B3GALT1: variants seen among roughly 807,000 people sequenced by gnomAD.
B3GALT1 encodes the protein UDP-Gal:betaGlcNAc beta 1,3-galactosyltransferase, polypeptide 1.
Under a neutral mutation model 23.2 loss-of-function variants are expected in B3GALT1, and 10 were observed. The observed-to-expected ratio is 0.43, with a 90% CI of 0.27 to 0.73. The LOEUF is 0.73. Ranked by LOEUF, B3GALT1 falls within the 30% of genes least tolerant of loss-of-function variation. The pLI, the probability that B3GALT1 is intolerant of heterozygous loss-of-function variation, is 0.21. For missense variants in B3GALT1, 299 were observed against 405.4 expected, an observed-to-expected ratio of 0.74 and a Z score of 2.25; for synonymous variants, 156 against 141.5, an observed-to-expected ratio of 1.10 and a Z score of -0.73.
intron 3 of B3GALT1, among the ~76,000 whole-genome samples, chr2:167,809,591 G>A (rs974374526): frequency 6.6e-6 from 1 of 152,232 alleles, no homozygotes; most frequent in Non-Finnish European, 1.5e-5. Context: ...AGAGGCTGCA[G>A]AACAGTGGAT....
intron 1 of B3GALT1, among the ~76,000 whole-genome samples, chr2:167,393,177 T>A (rs977347241): frequency 6.7e-6 from 1 of 148,438 alleles, no homozygotes; most frequent in Non-Finnish European, 1.5e-5. Context: ...GAGCTTGCAG[T>A]GAGCCGAGAT....
intron 3 of B3GALT1, among the ~76,000 whole-genome samples, chr2:167,668,607 G>T (rs551747675): frequency 3.3e-5 from 5 of 152,136 alleles, no homozygotes; most frequent in South Asian, 2.1e-4. Context: ...GCGAGACTCC[G>T]TGGGCTTAGG....
In B3GALT1 at chr2:167,387,905, G is replaced by A. The variant is rs553314416; in HGVS notation, c.-511+94571G>A. Among the ~76,000 whole-genome samples, 12 of 152,256 alleles carry A rather than the reference G, an allele frequency of 7.9e-5. No homozygotes were observed. The East Asian group carries it at 2.3e-3, about 29-fold the overall frequency. On this transcript the variant is annotated intron_variant, in intron 1 of 4. Coordinates refer to ENST00000392690, the MANE Select transcript of B3GALT1 (RefSeq NM_020981.4). ...ATTTTATTTTCTTTATTTCATAATAGCATTGAACGATATTTGAAAGGAACG... is the reference window on the plus strand; with the variant it reads ...ATTTTATTTTCTTTATTTCATAATAACATTGAACGATATTTGAAAGGAACG...
intron 2 of B3GALT1, among the ~76,000 whole-genome samples, chr2:167,554,361 G>T (rs893794198): frequency 6.6e-6 from 1 of 152,184 alleles, no homozygotes. Context: ...AAGGAAGAGT[G>T]ATTGATAAGG....
At chr2:167,781,408 AGG>A (rs2105319912) in intron 3 of B3GALT1, among the ~76,000 whole-genome samples, 1 of 152,318 alleles carries the variant, frequency 6.6e-6, no homozygotes, top group African/African-American at 2.4e-5. Context: ...TCTCAAAGCC[AGG>A]GGTTCATCTC....
At chr2:167,515,872 C>T (rs1376042829) in intron 2 of B3GALT1, among the ~76,000 whole-genome samples, 1 of 151,984 alleles carries the variant, frequency 6.6e-6, no homozygotes, top group African/African-American at 2.4e-5. Flanking sequence ...TTAAAGAATA[C>T]TCCAGCCAAA....
At chr2:167,776,485 G>A (rs892507023) in intron 3 of B3GALT1, among the ~76,000 whole-genome samples, 3 of 152,200 alleles carry the variant, frequency 2.0e-5, no homozygotes, top group African/African-American at 2.4e-5. Flanking sequence ...GAGCAGTAAA[G>A]CAGAGAACAC....
intron 4 of B3GALT1, among the ~76,000 whole-genome samples, chr2:167,841,754 C>G (rs548601681): frequency 5.3e-5 from 8 of 152,272 alleles, no homozygotes; most frequent in African/African-American, 1.9e-4. Context: ...AACCAAGATA[C>G]TAGAAATCAG....
intron 1 of B3GALT1, among the ~76,000 whole-genome samples, chr2:167,421,254 T>G (rs1698543061): frequency 6.6e-6 from 1 of 152,206 alleles, no homozygotes; most frequent in African/African-American, 2.4e-5. Context: ...CTAGTCACAT[T>G]GCAATTGCTC....
intron 3 of B3GALT1, among the ~76,000 whole-genome samples, chr2:167,659,286 G>T (rs892265956): frequency 6.6e-6 from 1 of 150,430 alleles, no homozygotes; most frequent in Non-Finnish European, 1.5e-5. Context: ...TTTTTAAATT[G>T]TTACCCTTTG....
chr2:167,367,218 C>T (rs1645508967), intron 1 of B3GALT1, among the ~76,000 whole-genome samples: 1 of 152,172 alleles, frequency 6.6e-6, no homozygotes, highest in Non-Finnish European at 1.5e-5. Flanking sequence ...AATATTACTT[C>T]CTCCAATAAG....
intron 3 of B3GALT1, among the ~76,000 whole-genome samples, chr2:167,769,082 A>G (rs1305550765): frequency 1.3e-5 from 2 of 152,174 alleles, no homozygotes; most frequent in Non-Finnish European, 2.9e-5. Context: ...AGAAGAAGGA[A>G]AAAAATGTAT....
chr2:167,675,883 C>G (rs1686416134), intron 3 of B3GALT1, among the ~76,000 whole-genome samples: 2 of 151,118 alleles, frequency 1.3e-5, no homozygotes, highest in African/African-American at 2.4e-5. Flanking sequence ...TACAGGGTAT[C>G]TAGTATCCCT....
rs563529249 is a variant in B3GALT1 at position 167,448,787 on chromosome 2, A to G, written c.-510-41390A>G. On this transcript the variant is annotated intron_variant, in intron 1 of 4. Coordinates refer to ENST00000392690, the MANE Select transcript of B3GALT1 (RefSeq NM_020981.4). ...TGAGTTGATTTTCATGTAAGATGAG[A>G]TTAGGATTCAGTTTCATTCTCCTAC... is the stretch of plus-strand genomic sequence containing the variant. 5.9e-5 allele frequency among the ~76,000 whole-genome samples: 9 copies of G among 152,294 alleles called. No individual in the cohort carries two copies. In the South Asian group the frequency reaches 1.9e-3, roughly 32 times the overall value.
intron 4 of B3GALT1, among the ~76,000 whole-genome samples, chr2:167,861,369 T>C (rs1389750663): frequency 5.3e-5 from 8 of 152,202 alleles, no homozygotes; most frequent in Admixed American, 5.2e-4. Context: ...GCTTTGTTAC[T>C]GTAGCTATAG....
At chr2:167,350,016 T>A (rs1697285560) in intron 1 of B3GALT1, among the ~76,000 whole-genome samples, 1 of 152,206 alleles carries the variant, frequency 6.6e-6, no homozygotes, top group African/African-American at 2.4e-5. Flanking sequence ...CTGATGTCAA[T>A]GCAAATAAAG....
intron 1 of B3GALT1, among the ~76,000 whole-genome samples, chr2:167,472,540 T>TA (rs1467039605): frequency 3.3e-5 from 5 of 152,096 alleles, no homozygotes; most frequent in African/African-American, 4.8e-5. Context: ...TCTAATTACT[T>TA]ACCATTAAAT....
At chr2:167,476,467 T>C (rs1262804001) in intron 1 of B3GALT1, among the ~76,000 whole-genome samples, 1 of 152,196 alleles carries the variant, frequency 6.6e-6, no homozygotes, top group Non-Finnish European at 1.5e-5. Context: ...CAGAAAACTT[T>C]TAAAAAGCAG....
intron 2 of B3GALT1, among the ~76,000 whole-genome samples, chr2:167,547,148 G>A (rs960945501): frequency 1.3e-4 from 20 of 152,158 alleles, no homozygotes; most frequent in Non-Finnish European, 2.1e-4. Context: ...TGCAGCAGAC[G>A]CTGTACTGCT....
Sources: gnomAD v4.1 joint callset for allele counts (sites outside exome capture counted in the v4.1 genomes callset) on GRCh38, gnomAD v4.1.1 for gene constraint, MANE v1.5 for transcripts, NCBI Gene and HGNC (gene_info 2026-07-23, HGNC 2026-07-21) for gene names.